The following MBD2 variants were observed in gnomAD, a reference collection of about 807,000 sequenced individuals.
MBD2 encodes methyl-CpG-binding domain protein 2.
MBD2 carries 9 observed loss-of-function variants against 39.3 expected under a neutral mutation model. The observed-to-expected ratio is 0.23, with a 90% CI of 0.14 to 0.40. The LOEUF (loss-of-function observed/expected upper bound fraction) is 0.40. Ranked by LOEUF, MBD2 falls within the 10% of genes least tolerant of loss-of-function variation. The probability of loss-of-function intolerance (pLI) is 1.00; values close to 1 mark genes in which losing one functional copy is unlikely to be tolerated. For synonymous variants in MBD2, 233 were observed against 211.1 expected, an observed-to-expected ratio of 1.10 and a Z score of -0.90; for missense variants, 458 against 532.6, an observed-to-expected ratio of 0.86 and a Z score of 1.38.
At chr18:54,177,602 TC>T (rs2086221053) in intron 3 of MBD2, among the ~76,000 whole-genome samples, 1 of 151,736 alleles carries the variant, frequency 6.6e-6, no homozygotes, top group African/African-American at 2.4e-5. Flanking sequence ...TGCCTCGGCC[TC>T]CGGAGTAGCT....
chr18:54,158,599 G>A (rs1024782164), intron 6 of MBD2, among the ~76,000 whole-genome samples: 1 of 152,176 alleles, frequency 6.6e-6, no homozygotes, highest in African/African-American at 2.4e-5. Context: ...TGGAATGTGA[G>A]TTTGAGATAA....
Position 54,152,275 on chromosome 18 carries a change from G to C in MBD2, c.*3049C>G, listed in dbSNP as rs187072525. The C allele has an allele frequency of 2.0e-5, 3 of 152,346 alleles. No individual in the cohort carries two copies. Among genetic ancestry groups the C allele is most frequent in the African/African-American group, 7.2e-5 (3 of 41,540 alleles). 9.4% of individuals were successfully genotyped at this position (152,346 alleles called of 1,614,324 possible). The stretch of plus-strand genomic sequence containing the variant: ...AGGCAAAGGGTGTTTCAGGCAAAGG[G>C]AACAACAGGTACAAAGACACAGAGG... On this transcript the variant is annotated 3_prime_UTR_variant, in exon 7 of 7. Coordinates refer to ENST00000256429, the MANE Select transcript of MBD2 (RefSeq NM_003927.5).
Position 54,224,245 on chromosome 18 carries a change from G to T in MBD2, c.315C>A (p.Gly105=). 3.1e-6 allele frequency: 3 copies of T among 979,630 alleles called. No homozygotes were observed. Among genetic ancestry groups the T allele is most frequent in the Non-Finnish European group, 3.6e-6 (3 of 826,056 alleles). The allele number at this position is 979,630 out of a possible 1,614,324, so 60.7% of individuals were successfully genotyped here. A position where few individuals can be genotyped will look rare whatever the true frequency, so the allele number is the denominator to read the frequency against. The change falls in exon 1 of 7, where the codon GGC becomes GGA. Residue 105 remains glycine (G), a synonymous_variant. Coordinates refer to ENST00000256429, the MANE Select transcript of MBD2 (RefSeq NM_003927.5). ...CGCCGCCGCAGCCGCCGCCGTCGCCGCCAAGGCCGCTGCCGCCACTCGGGG... is the reference window on the plus strand; with the variant it reads ...CGCCGCCGCAGCCGCCGCCGTCGCCTCCAAGGCCGCTGCCGCCACTCGGGG... ...GRPPSGGSGL[G]GDGGGCGGGG...
rs151021746 is a variant in MBD2 at position 54,172,024 on chromosome 18, G to T, written c.841-5858C>A. 5.3e-5 allele frequency among the ~76,000 whole-genome samples: 8 copies of T among 152,258 alleles called. No individual in the cohort carries two copies. In the East Asian group the frequency reaches 1.5e-3, roughly 29 times the overall value. ...GACACTTCTACTCATGCCATCAAAG[G>T]CTGATAATAATAGATCAGTAAACTT... On this transcript the variant is annotated intron_variant, in intron 3 of 6. Coordinates refer to ENST00000256429, the MANE Select transcript of MBD2 (RefSeq NM_003927.5).
intron 3 of MBD2, among the ~76,000 whole-genome samples, chr18:54,166,615 A>G (rs1045793322): frequency 2.0e-5 from 3 of 152,236 alleles, no homozygotes; most frequent in Non-Finnish European, 4.4e-5. Flanking sequence ...TTCCAGTACA[A>G]TGAAGTTTAG....
intron 5 of MBD2, among the ~76,000 whole-genome samples, chr18:54,161,967 G>A (rs1157171442): frequency 6.6e-6 from 1 of 152,154 alleles, no homozygotes; most frequent in Non-Finnish European, 1.5e-5. Context: ...GCACACGGAG[G>A]AGCCACGAGA....
intron 1 of MBD2, among the ~76,000 whole-genome samples, chr18:54,205,616 A>G (rs1257283135): frequency 6.6e-6 from 1 of 151,080 alleles, no homozygotes; most frequent in East Asian, 1.9e-4. Flanking sequence ...AAAAAAAGTT[A>G]AAGTTTTACA....
intron 1 of MBD2, among the ~76,000 whole-genome samples, chr18:54,223,001 C>G (rs1406988488): frequency 1.3e-5 from 2 of 152,208 alleles, no homozygotes; most frequent in Non-Finnish European, 2.9e-5. Flanking sequence ...ACAATTGTCT[C>G]CAATACCCAT....
chr18:54,203,230 A>G (rs2086422995), intron 2 of MBD2: 7 of 1,183,174 alleles, frequency 5.9e-6, no homozygotes, highest in Non-Finnish European at 8.2e-6. Context: ...TGGTAACAGT[A>G]CAGTAATCTA....
At chr18:54,160,040 G>A in intron 5 of MBD2, 137 bp from the exon 6 acceptor site, 2 of 994,710 alleles carry the variant, frequency 2.0e-6, no homozygotes, top group Non-Finnish European at 2.9e-6. Context: ...TTTTTGCAGA[G>A]GTTGCTTCTA....
intron 1 of MBD2, among the ~76,000 whole-genome samples, chr18:54,213,024 CCT>C (rs1275039554): frequency 2.5e-5 from 3 of 121,752 alleles, no homozygotes; most frequent in Admixed American, 1.2e-4. Context: ...AGAGCAAGAC[CCT>C]GTCTCAAAAA....
chr18:54,218,628 A>G (rs2086582255), intron 1 of MBD2, among the ~76,000 whole-genome samples: 1 of 151,868 alleles, frequency 6.6e-6, no homozygotes, highest in African/African-American at 2.4e-5. Flanking sequence ...CCCAATCTGT[A>G]AAATGGAGAT....
At chr18:54,162,614 C>A (rs1288645034) in intron 5 of MBD2, among the ~76,000 whole-genome samples, 5 of 152,160 alleles carry the variant, frequency 3.3e-5, no homozygotes, top group African/African-American at 1.2e-4. Flanking sequence ...ACTCAGAGAA[C>A]CTCCGTCAAC....
chr18:54,182,676 A>C (rs1254711340), intron 3 of MBD2, among the ~76,000 whole-genome samples: 1 of 152,174 alleles, frequency 6.6e-6, no homozygotes, highest in Non-Finnish European at 1.5e-5. Flanking sequence ...ACCTGCCTGC[A>C]ATATGAAGAG....
In MBD2 at chr18:54,166,185, C is replaced by T. The variant is rs761093506; in HGVS notation, c.841-19G>A. On this transcript the variant is annotated intron_variant, in intron 3 of 6. Coordinates refer to ENST00000256429, the MANE Select transcript of MBD2 (RefSeq NM_003927.5). ...AGAAAAGCTGTAAGGCAAAATATCA[C>T]TGTTAATAGATACATTTTTGAAACA... The T allele has an allele frequency of 6.8e-7, 1 of 1,461,798 alleles. No individual in the cohort carries two copies. The highest frequency in any genetic ancestry group is 9.6e-7 in the Non-Finnish European group (1 of 1,043,974). 90.6% of individuals were successfully genotyped at this position (1,461,798 alleles called of 1,614,324 possible).
chr18:54,189,089 A>G (rs1305821299), intron 2 of MBD2, 78 bp from the exon 3 acceptor site: 11 of 926,622 alleles, frequency 1.2e-5, no homozygotes, highest in African/African-American at 1.7e-5. Flanking sequence ...TTCAATATCT[A>G]TTACTTTAAA....
intron 1 of MBD2, among the ~76,000 whole-genome samples, chr18:54,207,965 G>A (rs1409514416): frequency 1.3e-5 from 2 of 152,116 alleles, no homozygotes; most frequent in African/African-American, 4.8e-5. Flanking sequence ...ATGAACCCAG[G>A]AGGCGGAGCT....
intron 3 of MBD2, among the ~76,000 whole-genome samples, chr18:54,182,685 A>C (rs1002073438): frequency 6.6e-6 from 1 of 152,106 alleles, no homozygotes; most frequent in Admixed American, 6.5e-5. Flanking sequence ...CAATATGAAG[A>C]GTGAAGTAAG....
intron 2 of MBD2, among the ~76,000 whole-genome samples, chr18:54,193,664 A>G (rs2086341041): frequency 6.6e-6 from 1 of 152,204 alleles, no homozygotes; most frequent in Non-Finnish European, 1.5e-5. Context: ...GAACAAGGAA[A>G]AAAACAGATA....
Sources: allele counts gnomAD v4.1 joint callset (sites outside exome capture counted in the v4.1 genomes callset), GRCh38; gene constraint gnomAD v4.1.1; transcripts MANE v1.5; gene names NCBI Gene and HGNC (gene_info 2026-07-23, HGNC 2026-07-21).